The following PTPN2 variants were observed in gnomAD, a reference collection of about 807,000 sequenced individuals.
PTPN2 encodes tyrosine-protein phosphatase non-receptor type 2.
In PTPN2, 19 loss-of-function variants were observed where a neutral mutation model predicts 57.3. The ratio of observed to expected loss-of-function variants is 0.33; its 90% CI spans 0.23 to 0.49. The LOEUF is 0.49. PTPN2 is among the 20% of genes least tolerant of loss of function. The probability of loss-of-function intolerance (pLI) is 0.99; values close to 1 mark genes in which losing one functional copy is unlikely to be tolerated. For synonymous variants in PTPN2, 153 were observed against 164.9 expected, an observed-to-expected ratio of 0.93 and a Z score of 0.55; for missense variants, 358 against 501.1, an observed-to-expected ratio of 0.71 and a Z score of 2.73.
downstream of PTPN2, chr18:12,792,043 A>G: frequency 5.3e-6 from 1 of 189,966 alleles, no homozygotes; most frequent in Non-Finnish European, 9.8e-6. Context: ...AGGGTCTTGG[A>G]TGCCTCAACA....
chr18:12,833,285 G>C (rs1396263854), intron 3 of PTPN2, among the ~76,000 whole-genome samples: 1 of 152,190 alleles, frequency 6.6e-6, no homozygotes, highest in Non-Finnish European at 1.5e-5. Flanking sequence ...GAAGAGCTGG[G>C]TTACTGCATC....
At chr18:12,807,802 GA>G (rs1568093665) in intron 7 of PTPN2, among the ~76,000 whole-genome samples, 3 of 151,604 alleles carry the variant, frequency 2.0e-5, no homozygotes, top group African/African-American at 4.8e-5. Context: ...GAGTAGGGAA[GA>G]GGGGGCATAG....
intron 1 of PTPN2, among the ~76,000 whole-genome samples, chr18:12,879,897 A>T (rs2044613115): frequency 1.3e-5 from 2 of 152,244 alleles, no homozygotes; most frequent in South Asian, 2.1e-4. Flanking sequence ...AACATCACCC[A>T]CTGCTGTGCT....
intron 6 of PTPN2, among the ~76,000 whole-genome samples, chr18:12,814,916 T>C (rs1194925568): frequency 6.6e-6 from 1 of 151,526 alleles, no homozygotes; most frequent in Non-Finnish European, 1.5e-5. Context: ...AAATGCCATC[T>C]CTACTAAAAA....
intron 7 of PTPN2, among the ~76,000 whole-genome samples, chr18:12,802,518 G>A (rs1286106427): frequency 6.6e-6 from 1 of 152,084 alleles, no homozygotes; most frequent in East Asian, 1.9e-4. Context: ...AAACTCGACA[G>A]CACACTGAAC....
chr18:12,793,308 T>C lies in PTPN2; in HGVS notation c.*970A>G. On this transcript the variant is annotated 3_prime_UTR_variant, in exon 9 of 9. Coordinates refer to ENST00000309660, the MANE Select transcript of PTPN2 (RefSeq NM_002828.4). The stretch of plus-strand genomic sequence containing the variant: ...AGAAAGAAACTGAAAAGTGTTTACT[T>C]CAAAACTTCAGTCTAGTAAACTGAA... 1.0e-6 allele frequency: 1 copy of C among 974,382 alleles called. No individual in the cohort carries two copies. The highest frequency in any genetic ancestry group is 4.8e-5 in the South Asian group (1 of 21,048). The allele number at this position is 974,382 out of a possible 1,614,324, so 60.4% of individuals were successfully genotyped here.
chr18:12,854,567 C>G (rs1032722428), intron 2 of PTPN2, among the ~76,000 whole-genome samples: 4 of 152,064 alleles, frequency 2.6e-5, no homozygotes, highest in African/African-American at 4.8e-5. Context: ...GGGAGGAACA[C>G]TCACTCAGTG....
intron 1 of PTPN2, among the ~76,000 whole-genome samples, chr18:12,875,282 A>C (rs2044448970): frequency 6.6e-6 from 1 of 151,288 alleles, no homozygotes; most frequent in Non-Finnish European, 1.5e-5. Flanking sequence ...CCTCTCTGTG[A>C]GAAACACCCA....
chr18:12,840,007 G>C lies in PTPN2; in HGVS notation c.161-3116C>G, dbSNP rs146209241. ...CATTATTGTAAAGACATCTCCTTTT[G>C]GAAAGTTTTCCAGGTCAAACAGAAA... On this transcript the variant is annotated intron_variant, in intron 2 of 8. Transcript: ENST00000309660. Among the ~76,000 whole-genome samples the C allele has an allele frequency of 4.4e-3, 672 of 151,442 alleles. 4 individuals carry two copies. Among genetic ancestry groups the C allele is most frequent in the African/African-American group, 0.016 (645 of 41,306 alleles).
chr18:12,807,974 A>C (rs558841916), intron 7 of PTPN2, among the ~76,000 whole-genome samples: 21 of 152,216 alleles, frequency 1.4e-4, no homozygotes, highest in Non-Finnish European at 2.8e-4. Context: ...GCTTGAGCCC[A>C]GGAGTTTGAG....
At chr18:12,823,344 T>C (rs1328417452) in intron 5 of PTPN2, among the ~76,000 whole-genome samples, 1 of 152,050 alleles carries the variant, frequency 6.6e-6, no homozygotes, top group Admixed American at 6.6e-5. Flanking sequence ...TTTACAACAA[T>C]TAGCATCTTT....
At chr18:12,850,836 T>C (rs1186447548) in intron 2 of PTPN2, among the ~76,000 whole-genome samples, 2 of 152,032 alleles carry the variant, frequency 1.3e-5, no homozygotes, top group Non-Finnish European at 2.9e-5. Context: ...GCCTCCCGGA[T>C]TCAAGCAATT....
chr18:12,791,699 G>C (rs111511159), downstream of PTPN2, among the ~76,000 whole-genome samples: 775 of 152,308 alleles, frequency 5.1e-3, 4 homozygotes, highest in Non-Finnish European at 7.9e-3. Flanking sequence ...AAGGAAAGAT[G>C]ACTAACCTTA....
At chr18:12,835,074 G>A (rs779096251) in intron 3 of PTPN2, among the ~76,000 whole-genome samples, 1 of 151,970 alleles carries the variant, frequency 6.6e-6, no homozygotes, top group Non-Finnish European at 1.5e-5. Flanking sequence ...CCCGTTTTTG[G>A]TTGAAAAAAA....
At chr18:12,823,892 C>G (rs903250461) in intron 5 of PTPN2, among the ~76,000 whole-genome samples, 1 of 152,120 alleles carries the variant, frequency 6.6e-6, no homozygotes, top group African/African-American at 2.4e-5. Context: ...AAACAAAACA[C>G]AAAAATCATT....
intron 2 of PTPN2, among the ~76,000 whole-genome samples, chr18:12,847,521 C>T (rs2043251326): frequency 6.6e-6 from 1 of 152,106 alleles, no homozygotes; most frequent in South Asian, 2.1e-4. Context: ...AGTTCTAGTT[C>T]TTCTTCCTTG....
intron 1 of PTPN2, chr18:12,862,394 A>T (rs1188762927): frequency 1.3e-5 from 2 of 152,242 alleles, no homozygotes; most frequent in African/African-American, 4.8e-5. Flanking sequence ...CCTGACCTTA[A>T]GTGATCCGCC....
At chr18:12,843,409 G>T (rs1196343384) in intron 2 of PTPN2, among the ~76,000 whole-genome samples, 1 of 152,106 alleles carries the variant, frequency 6.6e-6, no homozygotes, top group Non-Finnish European at 1.5e-5. Flanking sequence ...AATTCTACTT[G>T]ATCATGTATC....
chr18:12,878,361 A>G (rs1239928676), intron 1 of PTPN2, among the ~76,000 whole-genome samples: 1 of 151,910 alleles, frequency 6.6e-6, no homozygotes, highest in East Asian at 1.9e-4. Context: ...GAAAAAGGAA[A>G]AAAAGAAAGA....
Sources: allele counts gnomAD v4.1 joint callset (sites outside exome capture counted in the v4.1 genomes callset), GRCh38; gene constraint gnomAD v4.1.1; transcripts MANE v1.5; gene names NCBI Gene and HGNC (gene_info 2026-07-23, HGNC 2026-07-21).